IGF2: variants seen among roughly 807,000 people sequenced by gnomAD.
The protein encoded by IGF2 is insulin-like growth factor 2.
In IGF2, 2 loss-of-function variants were observed where a neutral mutation model predicts 12.0. The ratio of observed to expected loss-of-function variants is 0.17; its 90% CI spans 0.07 to 0.52. The LOEUF (loss-of-function observed/expected upper bound fraction) is 0.52, where lower values mean the gene tolerates loss of function less well. Ranked by LOEUF, IGF2 falls within the 20% of genes least tolerant of loss-of-function variation. The probability of loss-of-function intolerance (pLI) is 0.95; values close to 1 mark genes in which losing one functional copy is unlikely to be tolerated. For synonymous variants in IGF2, 105 were observed against 110.1 expected (o/e 0.95, Z 0.29); for missense variants, 211 against 268.0 (o/e 0.79, Z 1.48).
In IGF2 at chr11:2,131,686, T is replaced by A; in HGVS notation, c.*1301A>T. On this transcript the variant is annotated 3_prime_UTR_variant, in exon 4 of 4. Transcript: ENST00000416167. ...GCGTGTGCTGTGTGCATGTGTGTGC[T>A]GTGTTTGTGTGTGTGCTGTGTGTGC... is the stretch of plus-strand genomic sequence containing the variant. 1 of 203,272 alleles carries A rather than the reference T, an allele frequency of 4.9e-6. No homozygotes were observed. The highest frequency in any genetic ancestry group is 9.6e-6 in the Non-Finnish European group (1 of 103,732). 12.6% of individuals were successfully genotyped at this position (203,272 alleles called of 1,614,324 possible).
At chr11:2,135,737 C>G (rs545899006) in intron 1 of IGF2, among the ~76,000 whole-genome samples, 21 of 152,338 alleles carry the variant, frequency 1.4e-4, no homozygotes, top group African/African-American at 5.1e-4. Flanking sequence ...AATGAAGCGT[C>G]CAGAAGCACA....
chr11:2,142,734 G>T (rs1189549075), upstream of IGF2, among the ~76,000 whole-genome samples: 1 of 152,212 alleles, frequency 6.6e-6, no homozygotes, highest in Admixed American at 6.5e-5. This position sits in a 1 kb window ranked among gnomAD's most constrained non-coding sequence, Gnocchi z 5.7. Flanking sequence ...ATGTTGTGAT[G>T]CAGAGAAAGT....
chr11:2,131,773 TGTGTGTGTGCTGTGTGCTA>T lies in IGF2; in HGVS notation c.*1195_*1213del, dbSNP rs1858592135. The T allele has an allele frequency of 1.6e-5, 3 of 191,366 alleles. No individual in the cohort carries two copies. The highest frequency in any genetic ancestry group is 2.3e-4 in the South Asian group (1 of 4,410). 11.9% of individuals were successfully genotyped at this position (191,366 alleles called of 1,614,324 possible). ...TGTGTGCATGTGTGTGCTGTGTCTT[TGTGTGTGTGCTGTGTGCTA>T]GTGTGTGTGCTGTGTGTGCATGTGT... On this transcript the variant is annotated 3_prime_UTR_variant, in exon 4 of 4. Transcript: ENST00000416167.
chr11:2,140,088 C>T (rs556014572), upstream of IGF2: 2 of 1,588,598 alleles, frequency 1.3e-6, no homozygotes, highest in Non-Finnish European at 8.6e-7. Context: ...AGGCTCCGGC[C>T]GCCAGAGGAG....
upstream of IGF2, chr11:2,140,905 G>C (rs769679099): frequency 1.3e-4 from 51 of 381,282 alleles, no homozygotes; most frequent in Non-Finnish European, 2.2e-4. Flanking sequence ...CTCAGGCAGC[G>C]AGCGATCGAA....
chr11:2,140,542 C>T (rs1859499962), upstream of IGF2: 2 of 511,422 alleles, frequency 3.9e-6, no homozygotes, highest in Admixed American at 3.6e-5. Context: ...GGCACTTTAC[C>T]GCCCGGCGGG....
rs80242682 is a variant in IGF2 at position 2,132,038 on chromosome 11, G to A, written c.*949C>T. 1 of 39,778 alleles carries A rather than the reference G, an allele frequency of 2.5e-5. No individual in the cohort carries two copies. 2.5% of individuals were successfully genotyped at this position (39,778 alleles called of 1,614,324 possible). On this transcript the variant is annotated 3_prime_UTR_variant, in exon 4 of 4. Coordinates refer to ENST00000416167, the MANE Select transcript of IGF2 (RefSeq NM_000612.6). ...CTCATCTGTGTGCTGTGTGTGCTGT[G>A]CGTTTGTGTGTGTGCTGTGCTCGTG...
At position 2,133,685 on chromosome 11, in the gene IGF2, G is replaced by T. The variant is rs755013160; in HGVS notation, c.158-20C>A. On this transcript the variant is annotated intron_variant, in intron 2 of 3. Coordinates refer to ENST00000416167, the MANE Select transcript of IGF2 (RefSeq NM_000612.6). This position sits in a 1 kb window ranked among gnomAD's most constrained non-coding sequence, Gnocchi z 8.9. ...GCCTGCCTGGAAGTCCCACAGCACAGAGAGAGCCGTGTTAGCACCGCACTG... is the reference window on the plus strand; with the variant it reads ...GCCTGCCTGGAAGTCCCACAGCACATAGAGAGCCGTGTTAGCACCGCACTG... 1.7e-5 allele frequency: 28 copies of T among 1,612,292 alleles called. No homozygotes were observed. The Middle Eastern group carries it at 5.0e-4, about 29-fold the overall frequency.
the IGF2 span, chr11:2,147,324 C>T: frequency 5.4e-6 from 2 of 371,932 alleles, no homozygotes; most frequent in Non-Finnish European, 9.5e-6. The surrounding 1 kb of genome is among the most constrained non-coding windows in gnomAD (Gnocchi z 7.2). Flanking sequence ...CCAGGAGCTC[C>T]CCTGCCAGGA....
In IGF2 at chr11:2,138,255, C is replaced by T. The variant is rs1014404103; in HGVS notation, c.-33G>A. On this transcript the variant is annotated 5_prime_UTR_variant, in exon 1 of 4. It adds an upstream start codon to the 5' untranslated region. Transcript: ENST00000416167. Reference sequence around the variant, plus strand: ...TGGAAGCCGGCGACGCTGCCGCCCACCTCCCTGCTGCGTGTCGCAAACCGA... The same window carrying T: ...TGGAAGCCGGCGACGCTGCCGCCCATCTCCCTGCTGCGTGTCGCAAACCGA... 12 of 985,342 alleles carry T rather than the reference C, an allele frequency of 1.2e-5. No homozygotes were observed. Among genetic ancestry groups the T allele is most frequent in the Non-Finnish European group, 1.2e-5 (10 of 829,814 alleles). The allele number at this position is 985,342 out of a possible 1,614,324, so 61.0% of individuals were successfully genotyped here.
rs781634507 is a variant in IGF2 at position 2,135,519 on chromosome 11, C to A, written c.5G>T (p.Gly2Val). 2 of 1,613,128 alleles carry A rather than the reference C, an allele frequency of 1.2e-6. No homozygotes were observed. The highest frequency in any genetic ancestry group is 2.7e-5 in the African/African-American group (2 of 75,050). The change falls in exon 2 of 4, where the codon GGA (glycine) becomes GTA (valine). Residue 2 changes from glycine to valine, a missense_variant. Transcript: ENST00000416167. ...CAGCATCGACTTCCCCATTGGGATT[C>A]CCATTGGTGTCTGGGGGCGGGAGAG... Reference protein sequence around the residue: MGIPMGKSMLVL... With the variant: MVIPMGKSMLVL...
At chr11:2,137,753 A>C (rs1253353048) in intron 1 of IGF2, among the ~76,000 whole-genome samples, 1 of 152,074 alleles carries the variant, frequency 6.6e-6, no homozygotes, top group Admixed American at 6.5e-5. Flanking sequence ...GACTCCTGCC[A>C]ACTCGGCCCC....
chr11:2,135,922 G>A (rs1858996055), intron 1 of IGF2, among the ~76,000 whole-genome samples: 1 of 152,170 alleles, frequency 6.6e-6, no homozygotes, highest in African/African-American at 2.4e-5. Flanking sequence ...GGCCAGCCCA[G>A]CGTCACATCG....
chr11:2,137,133 G>T, intron 1 of IGF2: 1 of 739,058 alleles, frequency 1.4e-6, no homozygotes, highest in South Asian at 6.1e-5. Flanking sequence ...CTGCTGCCCT[G>T]CCTCAGGCTG....
upstream of IGF2, among the ~76,000 whole-genome samples, chr11:2,143,537 G>C (rs1007746339): frequency 6.6e-6 from 1 of 152,168 alleles, no homozygotes; most frequent in South Asian, 2.1e-4. Flanking sequence ...CGACCACCAC[G>C]GACCAAGGGC....
At chr11:2,149,374 G>T in the IGF2 span, 7 of 1,586,568 alleles carry the variant, frequency 4.4e-6, no homozygotes, top group Admixed American at 1.2e-4. Context: ...CTTTTAGAGT[G>T]TGCATGTTAA....
chr11:2,140,456 C>T, upstream of IGF2: 1 of 650,092 alleles, frequency 1.5e-6, no homozygotes, highest in Non-Finnish European at 2.6e-6. Context: ...CCCCTCGCCC[C>T]CCTCGCTCCG....
intron 1 of IGF2, chr11:2,137,085 GGCT>G (rs368743181): frequency 3.2e-4 from 78 of 245,214 alleles, no homozygotes; most frequent in East Asian, 2.2e-3. Context: ...GCGGGCTGGC[GGCT>G]GCAGGGCCCG....
the IGF2 span, chr11:2,149,022 A>G: frequency 9.0e-7 from 1 of 1,107,628 alleles, no homozygotes; most frequent in Non-Finnish European, 1.3e-6. Context: ...CCCCTCCTTC[A>G]GAAACCAGGA....
Sources: gnomAD v4.1 joint callset for allele counts (sites outside exome capture counted in the v4.1 genomes callset) on GRCh38, gnomAD v4.1.1 for gene constraint, Gnocchi (gnomAD v3.1) non-coding constraint, MANE v1.5 for transcripts, NCBI Gene and HGNC (gene_info 2026-07-23, HGNC 2026-07-21) for gene names.